Variants in ABCC1 observed in about 807,000 individuals in gnomAD.
ABCC1 encodes the protein ATP binding cassette subfamily C member 1 (ABCC1 blood group), also known as multidrug resistance-associated protein 1.
A neutral mutation model predicts 172.9 loss-of-function variants in ABCC1; 83 were observed. The ratio of observed to expected loss-of-function variants is 0.48; its 90% CI spans 0.40 to 0.58. The LOEUF (loss-of-function observed/expected upper bound fraction) is 0.58. Among genes scored for constraint, ABCC1 ranks in the 20% least tolerant of loss-of-function variants. ABCC1 has a pLI of 0.00. For missense variants in ABCC1, 1,817 were observed against 2,002.7 expected, an observed-to-expected ratio of 0.91 and a Z score of 1.77; for synonymous variants, 937 against 825.2, an observed-to-expected ratio of 1.14 and a Z score of -2.32.
intron 26 of ABCC1, among the ~76,000 whole-genome samples, chr16:16,127,864 GC>G (rs1324328350): frequency 6.6e-6 from 1 of 152,044 alleles, no homozygotes; most frequent in Non-Finnish European, 1.5e-5. Flanking sequence ...TATTACACCG[GC>G]GGCTTCCAAC....
intron 28 of ABCC1, 122 bp downstream of exon 28, chr16:16,134,630 T>C (rs2045847043): frequency 1.4e-5 from 6 of 418,440 alleles, no homozygotes; most frequent in South Asian, 8.8e-5. Flanking sequence ...TCGTTCTTTT[T>C]TTTTTTTTTT....
At chr16:16,104,644 C>T (rs1003798721) in intron 20 of ABCC1, among the ~76,000 whole-genome samples, 19 of 152,228 alleles carry the variant, frequency 1.2e-4, no homozygotes, top group Admixed American at 7.8e-4. Context: ...GTGGAGCTGC[C>T]TGCCAGTCCC....
rs558549851 is a variant in ABCC1, at chr16:16,083,729, C to G, written c.2292+187C>G. On this transcript the variant is annotated intron_variant, in intron 17 of 30. Transcript: ENST00000399410. ...CAGGCTGTGGGTGTGGCTCAGGTCT[C>G]ACTTACAGAGCTTTTGCTGGGGACC... is the stretch of plus-strand genomic sequence containing the variant. 3.9e-5 allele frequency among the ~76,000 whole-genome samples: 6 copies of G among 152,296 alleles called. No individual in the cohort carries two copies. The East Asian group carries it at 7.7e-4, about 20-fold the overall frequency.
At chr16:16,005,957 G>C (rs2047514813) in intron 1 of ABCC1, among the ~76,000 whole-genome samples, 1 of 149,854 alleles carries the variant, frequency 6.7e-6, no homozygotes, top group Non-Finnish European at 1.5e-5. Context: ...TCATGCCACT[G>C]CATTCCAGTC....
intron 19 of ABCC1, among the ~76,000 whole-genome samples, chr16:16,099,758 C>T (rs1376789593): frequency 1.3e-5 from 2 of 152,118 alleles, no homozygotes; most frequent in Non-Finnish European, 2.9e-5. Context: ...CCCACCAAGG[C>T]TGTAGGAAGA....
rs773649912 is a variant in ABCC1 at position 16,045,844 on chromosome 16, T to A, written c.1049T>A (p.Ile350Asn). The part of the protein sequence containing the change: ...FSGPQILKLL[I>N]KFVNDTKAPD... ...TCTTTGCTCCTTTGCAGGTTGCTCATCAAGTTCGTGAATGACACGAAGGCC... is the reference window on the plus strand; with the variant it reads ...TCTTTGCTCCTTTGCAGGTTGCTCAACAAGTTCGTGAATGACACGAAGGCC... The change falls in exon 9 of 31, where the codon ATC (isoleucine) becomes AAC (asparagine). Residue 350 changes from isoleucine (I) to asparagine (N), a missense_variant. By Grantham distance (149) the Ile-to-Asn change is moderately radical. This residue lies in a region of ABCC1 where 1,412 missense variants were observed against 1,600.3 expected (regional missense o/e 0.88). Coordinates refer to ENST00000399410, the MANE Select transcript of ABCC1 (RefSeq NM_004996.4). 6.2e-7 allele frequency: 1 copy of A among 1,614,084 alleles called. No homozygotes were observed. Among genetic ancestry groups the A allele is most frequent in the Non-Finnish European group, 8.5e-7 (1 of 1,179,990 alleles).
At chr16:16,080,625 A>G (rs16967046) in intron 16 of ABCC1, among the ~76,000 whole-genome samples, 5 of 152,180 alleles carry the variant, frequency 3.3e-5, no homozygotes, top group Non-Finnish European at 5.9e-5. Context: ...TTTGGGCGAT[A>G]AAGAACCCCA....
chr16:16,091,167 A>T (rs2051239097), intron 19 of ABCC1, among the ~76,000 whole-genome samples: 1 of 151,932 alleles, frequency 6.6e-6, no homozygotes, highest in African/African-American at 2.4e-5. Context: ...GGTTCCCAGC[A>T]CTTGTAATCC....
intron 19 of ABCC1, among the ~76,000 whole-genome samples, chr16:16,096,706 C>G (rs2051495777): frequency 1.3e-5 from 2 of 152,150 alleles, no homozygotes; most frequent in South Asian, 4.2e-4. Flanking sequence ...CTTGCCCAAG[C>G]AGAGTTCCAG....
intron 19 of ABCC1, among the ~76,000 whole-genome samples, chr16:16,100,293 G>A (rs530306402): frequency 2.6e-5 from 4 of 152,300 alleles, no homozygotes; most frequent in South Asian, 2.1e-4. Flanking sequence ...TGGTGGCTGC[G>A]CTCAGTGACG....
chr16:15,991,306 G>A (rs45440792), intron 1 of ABCC1, among the ~76,000 whole-genome samples: 2,828 of 151,986 alleles, frequency 0.019, 87 homozygotes, highest in African/African-American at 0.064. Context: ...GGGGGCTATG[G>A]GTATGTGGTG....
Position 15,975,259 on chromosome 16 carries a change from C to G in ABCC1, c.48+25460C>G, listed in dbSNP as rs576249181. ...CTCTCCTGGGGTGCAGGAGGTTGCA[C>G]AGTTCGTTTTGTGACAGCAGGGTCA... On this transcript the variant is annotated intron_variant, in intron 1 of 30. Coordinates refer to ENST00000399410, the MANE Select transcript of ABCC1 (RefSeq NM_004996.4). Among the ~76,000 whole-genome samples the G allele has an allele frequency of 1.0e-3, 155 of 152,296 alleles. 1 individual carries two copies. Among genetic ancestry groups the G allele is most frequent in the African/African-American group, 3.6e-3 (148 of 41,566 alleles).
intron 14 of ABCC1, 102 bp from the exon 15 acceptor site, chr16:16,076,224 C>A (rs772336289): frequency 2.6e-6 from 3 of 1,155,164 alleles, no homozygotes; most frequent in Non-Finnish European, 3.7e-6. Flanking sequence ...CCATTCGTGC[C>A]AAGCGTCTGG....
intron 14 of ABCC1, 186 bp from the exon 15 acceptor site, chr16:16,076,140 T>C: frequency 1.7e-6 from 1 of 589,616 alleles, no homozygotes; most frequent in Non-Finnish European, 2.9e-6. Context: ...GGTCTGGGGC[T>C]GCCTCCAGAA....
Position 16,071,665 on chromosome 16 carries a change from G to A in ABCC1, c.1848G>A (p.Leu616=). 6.2e-7 allele frequency: 1 copy of A among 1,614,028 alleles called. No individual in the cohort carries two copies. Among genetic ancestry groups the A allele is most frequent in the Non-Finnish European group, 8.5e-7 (1 of 1,179,966 alleles). The change falls in exon 14 of 31, where the codon CTG becomes CTA. Residue 616 remains leucine, a synonymous_variant. Transcript: ENST00000399410. ...AGGCGAGTGTCTCCCTCAAACGCCT[G>A]AGGATCTTTCTCTCCCATGAGGAGC... is the stretch of plus-strand genomic sequence containing the variant. The part of the protein sequence containing the change: ...IVQASVSLKR[L]RIFLSHEELE...
chr16:15,979,319 AC>A (rs1215775891), intron 1 of ABCC1, among the ~76,000 whole-genome samples: 1 of 151,906 alleles, frequency 6.6e-6, no homozygotes, highest in Non-Finnish European at 1.5e-5. Context: ...CAAAAAAAAA[AC>A]AAAATTTTTT....
At chr16:15,999,631 TAGAAAA>T (rs954967555) in intron 1 of ABCC1, among the ~76,000 whole-genome samples, 2 of 146,564 alleles carry the variant, frequency 1.4e-5, no homozygotes, top group African/African-American at 5.0e-5. Flanking sequence ...AAAAAAAAAA[TAGAAAA>T]AGAAAAATAA....
intron 23 of ABCC1, among the ~76,000 whole-genome samples, chr16:16,120,398 T>G (rs2238475): frequency 0.051 from 7,687 of 152,214 alleles, 283 homozygotes; most frequent in East Asian, 0.21. Flanking sequence ...GATCCACAGC[T>G]CCACAAAGCT....
Position 16,131,806 on chromosome 16 carries a change from G to T in ABCC1, c.3837G>T (p.Gln1279His). The change falls in exon 27 of 31, where the codon CAG becomes CAT. Residue 1279 changes from glutamine (Q) to histidine (H), a missense_variant. This residue lies in a region of ABCC1 where 1,412 missense variants were observed against 1,600.3 expected (regional missense o/e 0.88). Transcript: ENST00000399410. ...ETEKEAPWQI[Q>H]ETAPPSSWPQ... ...GATCGAAGGCGCCCTGGCAAATCCA[G>T]GAGACAGCTCCGCCCAGCAGCTGGC... The T allele has an allele frequency of 6.2e-7, 1 of 1,613,838 alleles. No individual in the cohort carries two copies. Among genetic ancestry groups the T allele is most frequent in the Non-Finnish European group, 8.5e-7 (1 of 1,179,920 alleles).
Sources: allele counts gnomAD v4.1 joint callset (sites outside exome capture counted in the v4.1 genomes callset), GRCh38; gene constraint gnomAD v4.1.1; regional missense constraint gnomAD v4.1.1; transcripts MANE v1.5; gene names NCBI Gene and HGNC (gene_info 2026-07-23, HGNC 2026-07-21).